The following PLCB1 variants were observed in gnomAD, a reference collection of about 807,000 sequenced individuals.
The protein encoded by PLCB1 is 1-phosphatidylinositol 4,5-bisphosphate phosphodiesterase beta-1.
Under a neutral mutation model 161.8 loss-of-function variants are expected in PLCB1, and 46 were observed. That is an observed-to-expected ratio of 0.28 (90% CI 0.22 to 0.36). The LOEUF is 0.36. Ranked by LOEUF, PLCB1 falls within the 10% of genes least tolerant of loss-of-function variation. The probability of loss-of-function intolerance (pLI) is 1.00; values close to 1 mark genes in which losing one functional copy is unlikely to be tolerated. For missense variants in PLCB1, 1,016 were observed against 1,472.5 expected (o/e 0.69, Z 5.07); for synonymous variants, 517 against 503.7 (o/e 1.03, Z -0.35).
At chr20:8,372,487 T>C (rs143866059) in intron 3 of PLCB1, among the ~76,000 whole-genome samples, 1 of 149,326 alleles carries the variant, frequency 6.7e-6, no homozygotes, top group East Asian at 2.0e-4. Context: ...GCTGAAAGGG[T>C]TAAAATGATC....
At chr20:8,747,395 C>A (rs1981225615) in intron 23 of PLCB1, among the ~76,000 whole-genome samples, 1 of 152,204 alleles carries the variant, frequency 6.6e-6, no homozygotes, top group African/African-American at 2.4e-5. Context: ...AACTACAAAT[C>A]TTACCCAGCC....
chr20:8,324,239 T>A lies in PLCB1; in HGVS notation c.178-47143T>A, dbSNP rs946589335. Among the ~76,000 whole-genome samples, 30 of 136,252 alleles carry A rather than the reference T, an allele frequency of 2.2e-4. No homozygotes were observed. In the South Asian group the frequency reaches 3.6e-3, roughly 17 times the overall value. 89.4% of individuals were successfully genotyped at this position (136,252 alleles called of 152,430 possible). On this transcript the variant is annotated intron_variant, in intron 2 of 31. Transcript: ENST00000338037. The stretch of plus-strand genomic sequence containing the variant: ...GTGTGTGTGTGTGTGTGTGTGTGTG[T>A]GAAACTACGTGACAAGGATTATTTA...
intron 4 of PLCB1, among the ~76,000 whole-genome samples, chr20:8,637,962 C>T (rs550927984): frequency 3.7e-4 from 56 of 152,320 alleles, no homozygotes; most frequent in African/African-American, 1.3e-3. Flanking sequence ...GGCGCCATCT[C>T]GGCTCACTGC....
At chr20:8,821,519 ATATATATATATATATATAT>A (rs1367861684) in intron 31 of PLCB1, among the ~76,000 whole-genome samples, 1 of 25,610 alleles carries the variant, frequency 3.9e-5, no homozygotes, top group Non-Finnish European at 7.0e-5. Context: ...ATATATATAT[ATATATATATATATATATAT>A]ATATATATAT....
At chr20:8,512,875 A>G (rs1185908233) in intron 3 of PLCB1, among the ~76,000 whole-genome samples, 2 of 152,288 alleles carry the variant, frequency 1.3e-5, no homozygotes, top group East Asian at 1.9e-4. Flanking sequence ...CTAATGTTTA[A>G]TGGATCACCA....
intron 3 of PLCB1, among the ~76,000 whole-genome samples, chr20:8,438,091 G>A (rs1235885939): frequency 1.3e-5 from 2 of 151,768 alleles, no homozygotes; most frequent in Non-Finnish European, 2.9e-5. Context: ...TATTTTGTGT[G>A]TTCTATCTTA....
intron 3 of PLCB1, among the ~76,000 whole-genome samples, chr20:8,472,952 A>G (rs1335797688): frequency 6.6e-6 from 1 of 152,156 alleles, no homozygotes. Context: ...CATGGCCGGC[A>G]TTCTTCCATC....
chr20:8,604,252 CAAAAAAAAAA>C (rs34186286), intron 3 of PLCB1, among the ~76,000 whole-genome samples: 78 of 51,394 alleles, frequency 1.5e-3, no homozygotes, highest in African/African-American at 5.8e-3. Context: ...GGCCCTGTCT[CAAAAAAAAAA>C]AAAAAAAAAA....
chr20:8,644,193 T>G (rs1235271862), intron 4 of PLCB1, among the ~76,000 whole-genome samples: 1 of 145,810 alleles, frequency 6.9e-6, no homozygotes, highest in South Asian at 2.2e-4. Flanking sequence ...AGTGCCGAGA[T>G]TGCAGCCTCT....
At position 8,277,840 on chromosome 20, in the gene PLCB1, G is replaced by A. The variant is rs562256763; in HGVS notation, c.178-93542G>A. Among the ~76,000 whole-genome samples the A allele has an allele frequency of 1.8e-4, 28 of 152,194 alleles. 1 individual carries two copies. Among genetic ancestry groups the A allele is most frequent in the Admixed American group, 7.2e-4 (11 of 15,266 alleles). Reference sequence around the variant, plus strand: ...ATGTTCTCTTCATAGACTGGTAAAAGTGCAAAGGGGTGACAATATACTGTG... The same window carrying A: ...ATGTTCTCTTCATAGACTGGTAAAAATGCAAAGGGGTGACAATATACTGTG... On this transcript the variant is annotated intron_variant, in intron 2 of 31. Coordinates refer to ENST00000338037, the MANE Select transcript of PLCB1 (RefSeq NM_015192.4).
rs1987101233 is a variant in PLCB1 at position 8,857,309 on chromosome 20, C to G, written c.3424-24313C>G. Among the ~76,000 whole-genome samples the G allele has an allele frequency of 2.0e-5, 3 of 152,124 alleles. No individual in the cohort carries two copies. The South Asian group carries it at 6.2e-4, about 32-fold the overall frequency. ...TTTGAAAACTCAATCTACCACACTT[C>G]TCTTATGTGAACTTCTCTCTGTGTA... is the stretch of plus-strand genomic sequence containing the variant. On this transcript the variant is annotated intron_variant, in intron 31 of 31. Transcript: ENST00000338037.
chr20:8,377,733 G>A (rs913397285), intron 3 of PLCB1, among the ~76,000 whole-genome samples: 66 of 152,122 alleles, frequency 4.3e-4, no homozygotes, highest in Non-Finnish European at 9.7e-4. Context: ...GGGAGAATTG[G>A]GTTGCCATGT....
chr20:8,526,613 G>GT (rs1284655208), intron 3 of PLCB1, among the ~76,000 whole-genome samples: 2 of 152,010 alleles, frequency 1.3e-5, no homozygotes, highest in Non-Finnish European at 2.9e-5. Context: ...AATATTTAGC[G>GT]TAAGAGTAGT....
intron 31 of PLCB1, chr20:8,802,591 G>A (rs2072979): frequency 0.21 from 34,449 of 161,628 alleles, 3,843 homozygotes; most frequent in Middle Eastern, 0.31. Context: ...CAATCCAGTG[G>A]GATCAAGTTA....
intron 27 of PLCB1, among the ~76,000 whole-genome samples, chr20:8,781,547 C>T (rs757519571): frequency 3.3e-5 from 5 of 151,982 alleles, no homozygotes; most frequent in Admixed American, 6.6e-5. Context: ...TTCATGGCTT[C>T]GTATTACTTT....
intron 2 of PLCB1, among the ~76,000 whole-genome samples, chr20:8,344,833 G>A (rs948285358): frequency 1.3e-5 from 2 of 152,230 alleles, no homozygotes; most frequent in Non-Finnish European, 2.9e-5. Flanking sequence ...GAGCAGGGAA[G>A]TGTTTGCTGC....
At chr20:8,195,692 C>T (rs566964165) in intron 2 of PLCB1, among the ~76,000 whole-genome samples, 5 of 152,146 alleles carry the variant, frequency 3.3e-5, no homozygotes, top group East Asian at 1.9e-4. Context: ...ATTGTTGTGA[C>T]GTTATTTAGT....
At chr20:8,677,094 T>C (rs999503420) in intron 9 of PLCB1, among the ~76,000 whole-genome samples, 1 of 152,068 alleles carries the variant, frequency 6.6e-6, no homozygotes, top group Non-Finnish European at 1.5e-5. Flanking sequence ...AGAGAAAATG[T>C]ATAAAAGTTT....
chr20:8,702,073 C>T (rs948365819), intron 11 of PLCB1, among the ~76,000 whole-genome samples: 9 of 152,142 alleles, frequency 5.9e-5, no homozygotes, highest in African/African-American at 1.9e-4. Context: ...TGTGATAGAT[C>T]CCAAAAGCAA....
Sources: allele counts gnomAD v4.1 joint callset (sites outside exome capture counted in the v4.1 genomes callset), GRCh38; gene constraint gnomAD v4.1.1; transcripts MANE v1.5; gene names NCBI Gene and HGNC (gene_info 2026-07-23, HGNC 2026-07-21).